The following ATP8B4 variants were observed in gnomAD, a reference collection of about 807,000 sequenced individuals.
The protein encoded by ATP8B4 is ATPase phospholipid transporting 8B4 (putative), also known as probable phospholipid-transporting ATPase IM.
ATP8B4 carries 133 observed loss-of-function variants against 145.6 expected under a neutral mutation model. The observed-to-expected ratio is 0.91, with a 90% CI of 0.79 to 1.05. ATP8B4 has a LOEUF of 1.05. ATP8B4 is among the 50% of genes least tolerant of loss of function. The pLI, the probability that ATP8B4 is intolerant of heterozygous loss-of-function variation, is 0.00. For missense variants in ATP8B4, 1,458 were observed against 1,425.2 expected, an observed-to-expected ratio of 1.02 and a Z score of -0.37; for synonymous variants, 507 against 492.9, an observed-to-expected ratio of 1.03 and a Z score of -0.38.
At chr15:50,099,297 A>G (rs1054270937) in intron 2 of ATP8B4, among the ~76,000 whole-genome samples, 4 of 151,870 alleles carry the variant, frequency 2.6e-5, no homozygotes, top group Non-Finnish European at 5.9e-5. Context: ...TTCTTTTTTT[A>G]GAGACTAGGT....
intron 1 of ATP8B4, among the ~76,000 whole-genome samples, chr15:50,161,657 TTAAC>T (rs1273177262): frequency 5.9e-5 from 9 of 152,264 alleles, no homozygotes; most frequent in Admixed American, 2.6e-4. Flanking sequence ...ACTCTCCACT[TTAAC>T]TATATCCCCC....
intron 1 of ATP8B4, among the ~76,000 whole-genome samples, chr15:50,170,755 T>C (rs1488674091): frequency 4.6e-5 from 7 of 152,162 alleles, no homozygotes; most frequent in Non-Finnish European, 8.8e-5. Flanking sequence ...ACTTAAAAGA[T>C]ACAGAACCAC....
At chr15:49,926,659 C>G (rs1215670389) in intron 16 of ATP8B4, among the ~76,000 whole-genome samples, 1 of 152,158 alleles carries the variant, frequency 6.6e-6, no homozygotes, top group Non-Finnish European at 1.5e-5. Context: ...CAACTTTTCA[C>G]ATTCTCCCTT....
chr15:50,110,083 T>C (rs2056866322), intron 1 of ATP8B4, among the ~76,000 whole-genome samples: 1 of 152,236 alleles, frequency 6.6e-6, no homozygotes, highest in South Asian at 2.1e-4. Context: ...CATTTTTCAA[T>C]TTTAGCCATT....
intron 1 of ATP8B4, among the ~76,000 whole-genome samples, chr15:50,151,784 TG>T (rs887658773): frequency 1.3e-5 from 2 of 149,908 alleles, no homozygotes; most frequent in African/African-American, 2.4e-5. Context: ...AGATTTTTAC[TG>T]GACTTATGCA....
rs144733081 is a variant in ATP8B4 at position 49,976,201 on chromosome 15, GTTTA to G, written c.1034+3412_1035-3412del. ...TTAAGATACATAACTGACACTCTTT[GTTTA>G]TTTATTTATATATTTTCATATATGG... is the stretch of plus-strand genomic sequence containing the variant. On this transcript the variant is annotated intron_variant, in intron 12 of 27. Transcript: ENST00000284509. Among the ~76,000 whole-genome samples, 952 of 152,026 alleles carry G rather than the reference GTTTA, an allele frequency of 6.3e-3. 13 individuals carry two copies. Among genetic ancestry groups the G allele is most frequent in the African/African-American group, 0.022 (911 of 41,410 alleles).
At chr15:50,074,023 G>T in intron 3 of ATP8B4, 104 bp downstream of exon 3, 2 of 929,438 alleles carry the variant, frequency 2.2e-6, no homozygotes, top group Non-Finnish European at 3.3e-6. Flanking sequence ...ATGGGCCAAT[G>T]AAGAAAGTTT....
intron 3 of ATP8B4, among the ~76,000 whole-genome samples, chr15:50,052,395 T>A (rs1428273514): frequency 2.0e-5 from 3 of 152,170 alleles, no homozygotes; most frequent in Non-Finnish European, 4.4e-5. Flanking sequence ...GGTTAACAGA[T>A]TCCATGATGA....
At chr15:49,883,380 A>C (rs2035729008) in intron 23 of ATP8B4, 1 of 152,096 alleles carries the variant, frequency 6.6e-6, no homozygotes, top group Admixed American at 6.6e-5. Flanking sequence ...AGATTTGAAG[A>C]CTCATTTCAC....
chr15:49,903,034 A>G (rs1178271323), intron 20 of ATP8B4, among the ~76,000 whole-genome samples: 1 of 152,140 alleles, frequency 6.6e-6, no homozygotes, highest in East Asian at 1.9e-4. Flanking sequence ...TCTTCCTAAC[A>G]TCTCACATGA....
At chr15:50,128,326 G>C (rs7170837) in intron 1 of ATP8B4, among the ~76,000 whole-genome samples, 150,529 of 152,364 alleles carry the variant, frequency 0.99, 74,381 homozygotes, top group East Asian at 1. Context: ...TTTCCTTTGG[G>C]TCTGAAGGGT....
chr15:50,045,903 CA>C (rs1240489816), intron 4 of ATP8B4, among the ~76,000 whole-genome samples: 2 of 152,182 alleles, frequency 1.3e-5, no homozygotes, highest in African/African-American at 4.8e-5. Flanking sequence ...AAACCAAAAG[CA>C]ACTTCATGGG....
At chr15:49,999,606 C>A (rs1184710180) in intron 8 of ATP8B4, among the ~76,000 whole-genome samples, 1 of 152,102 alleles carries the variant, frequency 6.6e-6, no homozygotes, top group African/African-American at 2.4e-5. Context: ...TCATTCCACA[C>A]TCTTGCTTAA....
At chr15:49,893,844 C>T (rs1598962414) in intron 23 of ATP8B4, among the ~76,000 whole-genome samples, 1 of 152,164 alleles carries the variant, frequency 6.6e-6, no homozygotes, top group South Asian at 2.1e-4. Flanking sequence ...AAACCTACTT[C>T]ATATGGTTAT....
chr15:50,003,300 G>A (rs1046473306), intron 7 of ATP8B4, among the ~76,000 whole-genome samples: 4 of 151,754 alleles, frequency 2.6e-5, no homozygotes, highest in Non-Finnish European at 5.9e-5. Context: ...GTGTGTGTGT[G>A]TGTGTGTGTG....
intron 6 of ATP8B4, among the ~76,000 whole-genome samples, chr15:50,023,359 A>T (rs2049739214): frequency 6.6e-6 from 1 of 152,174 alleles, no homozygotes; most frequent in African/African-American, 2.4e-5. Flanking sequence ...CATTTGGGTA[A>T]AACTTTTATT....
At chr15:50,106,804 A>G in intron 2 of ATP8B4, 135 bp downstream of exon 2, 1 of 758,412 alleles carries the variant, frequency 1.3e-6, no homozygotes, top group South Asian at 2.1e-5. Flanking sequence ...ACATGGGTGT[A>G]TATAATCGTC....
chr15:50,170,031 T>C (rs2044648994), intron 1 of ATP8B4, among the ~76,000 whole-genome samples: 1 of 152,122 alleles, frequency 6.6e-6, no homozygotes, highest in Admixed American at 6.5e-5. Context: ...TCTGGGATTA[T>C]GTTAAATGAC....
At chr15:49,982,252 A>T (rs2046221565) in intron 10 of ATP8B4, among the ~76,000 whole-genome samples, 1 of 152,164 alleles carries the variant, frequency 6.6e-6, no homozygotes, top group Non-Finnish European at 1.5e-5. Flanking sequence ...TATGTAAAAG[A>T]AAAAAAGAAG....
Sources: allele counts gnomAD v4.1 joint callset (sites outside exome capture counted in the v4.1 genomes callset), GRCh38; gene constraint gnomAD v4.1.1; transcripts MANE v1.5; gene names NCBI Gene and HGNC (gene_info 2026-07-23, HGNC 2026-07-21).